GTPBP1: variants seen among roughly 807,000 people sequenced by gnomAD.
The protein encoded by GTPBP1 is GTP binding protein 1, also known as GTP-binding protein 1.
A neutral mutation model predicts 62.0 loss-of-function variants in GTPBP1; 23 were observed. That is an observed-to-expected ratio of 0.37 (90% confidence interval 0.27 to 0.53). The LOEUF (loss-of-function observed/expected upper bound fraction) is 0.53, where lower values mean the gene tolerates loss of function less well. Ranked by LOEUF, GTPBP1 falls within the 20% of genes least tolerant of loss-of-function variation. The probability of loss-of-function intolerance (pLI) is 0.89; values close to 1 mark genes in which losing one functional copy is unlikely to be tolerated. For synonymous variants in GTPBP1, 344 were observed against 364.4 expected, an observed-to-expected ratio of 0.94 and a Z score of 0.64; for missense variants, 640 against 917.3, an observed-to-expected ratio of 0.70 and a Z score of 3.90.
At chr22:38,707,028 G>T (rs1274160486) in intron 1 of GTPBP1, among the ~76,000 whole-genome samples, 1 of 152,220 alleles carries the variant, frequency 6.6e-6, no homozygotes, top group East Asian at 1.9e-4. Context: ...GAAAGGCTCT[G>T]TGACGTTGGG....
downstream of GTPBP1, chr22:38,734,226 G>A (rs908449673): frequency 1.4e-5 from 6 of 441,290 alleles, no homozygotes; most frequent in East Asian, 7.7e-5. Flanking sequence ...AGAACCACGC[G>A]AACCAGGTCT....
chr22:38,719,442 G>A (rs1365582208), intron 4 of GTPBP1, among the ~76,000 whole-genome samples: 1 of 152,038 alleles, frequency 6.6e-6, no homozygotes, highest in Non-Finnish European at 1.5e-5. Flanking sequence ...CAAGTACCTA[G>A]GACCACAGGC....
At chr22:38,736,333 A>G, downstream of GTPBP1, 2 of 1,614,034 alleles carry the variant, frequency 1.2e-6, no homozygotes, top group Non-Finnish European at 1.7e-6. Flanking sequence ...GGCCCCAGTT[A>G]GTCAGGATCC....
downstream of GTPBP1, chr22:38,742,467 T>G (rs748914609): frequency 3.1e-6 from 5 of 1,613,540 alleles, no homozygotes; most frequent in South Asian, 1.1e-5. Context: ...CCGCATGGCC[T>G]CCTTCTGCCA....
intron 10 of GTPBP1, 170 bp from the exon 11 acceptor site, chr22:38,729,291 CT>C: frequency 1.8e-6 from 1 of 544,804 alleles, no homozygotes; most frequent in Non-Finnish European, 3.2e-6. Flanking sequence ...GAGAATGCCT[CT>C]TCATCCCCAC....
At chr22:38,729,015 GTGCTGGGGCTGGAGCTGCAGCA>G (rs1240586185) in intron 10 of GTPBP1, 4 of 154,804 alleles carry the variant, frequency 2.6e-5, no homozygotes, top group Non-Finnish European at 5.7e-5. Flanking sequence ...CAGCAGCAGC[GTGCTGGGGCTGGAGCTGCAGCA>G]TGCTCTGAGG....
At chr22:38,735,124 A>G, downstream of GTPBP1, 1 of 405,136 alleles carries the variant, frequency 2.5e-6, no homozygotes, top group Non-Finnish European at 4.8e-6. Flanking sequence ...TACATAATAC[A>G]GTGGGGCCTG....
chr22:38,707,634 A>G (rs8138189), intron 1 of GTPBP1, among the ~76,000 whole-genome samples: 3,959 of 152,338 alleles, frequency 0.026, 68 homozygotes, highest in South Asian at 0.055. Context: ...ATGTCAACAC[A>G]TGGTCAAGGT....
chr22:38,722,772 G>A, intron 5 of GTPBP1: 3 of 1,603,352 alleles, frequency 1.9e-6, no homozygotes, highest in Non-Finnish European at 2.6e-6. Flanking sequence ...GTACTCTTTG[G>A]AAGCAGCTGG....
At chr22:38,725,825 A>G in intron 6 of GTPBP1, 181 bp from the exon 7 acceptor site, 2 of 629,460 alleles carry the variant, frequency 3.2e-6, no homozygotes, top group South Asian at 1.9e-5. Context: ...AGGGCTGGCC[A>G]GGAGCTTGCT....
At chr22:38,717,361 G>T (rs1366558345) in intron 4 of GTPBP1, among the ~76,000 whole-genome samples, 1 of 152,184 alleles carries the variant, frequency 6.6e-6, no homozygotes, top group Non-Finnish European at 1.5e-5. Context: ...GTGACACCAG[G>T]TAGGTAGTAC....
At chr22:38,736,209 C>T (rs538539297), downstream of GTPBP1, 196 of 1,492,072 alleles carry the variant, frequency 1.3e-4, no homozygotes, top group African/African-American at 5.5e-4. Flanking sequence ...GTGGGGGAAG[C>T]GGCGGGGTGC....
At chr22:38,720,721 G>A (rs2092695556) in intron 4 of GTPBP1, among the ~76,000 whole-genome samples, 4 of 152,176 alleles carry the variant, frequency 2.6e-5, no homozygotes. Context: ...ATTGTTACTG[G>A]AAGGATAGTA....
chr22:38,734,572 TC>T (rs1865774967), downstream of GTPBP1, among the ~76,000 whole-genome samples: 1 of 152,154 alleles, frequency 6.6e-6, no homozygotes, highest in Non-Finnish European at 1.5e-5. Context: ...TCAGGTCCCA[TC>T]CCCCACCACA....
chr22:38,740,695 A>G (rs2092849034), downstream of GTPBP1: 1 of 575,646 alleles, frequency 1.7e-6, no homozygotes, highest in Admixed American at 3.1e-5. The surrounding 1 kb of genome is among the most constrained non-coding windows in gnomAD (Gnocchi z 4.8). Context: ...CACATCCTCC[A>G]CAAGCATGGA....
Position 38,719,366 on chromosome 22 carries a change from G to C in GTPBP1, c.834+2366G>C, listed in dbSNP as rs149789715. ...TCTGTTACCCAGGCTAGAGTGCGGT[G>C]GTGCGACTGTAGTTCACTATAACCT... On this transcript the variant is annotated intron_variant, in intron 4 of 11. Coordinates refer to ENST00000216044, the MANE Select transcript of GTPBP1 (RefSeq NM_004286.5). Among the ~76,000 whole-genome samples, 599 of 152,110 alleles carry C rather than the reference G, an allele frequency of 3.9e-3. 5 individuals are homozygous for C. Among genetic ancestry groups the C allele is most frequent in the African/African-American group, 0.014 (568 of 41,488 alleles).
At position 38,726,828 on chromosome 22, in the gene GTPBP1, A is replaced by AG. The variant is rs1314921072; in HGVS notation, c.1402-381dup. Reference sequence around the variant, plus strand: ...TGGGGTTTGGGGTGGGTTGTAGTTCAGGGGTCACCTACCTTTACCCACCAA... The same window carrying AG: ...TGGGGTTTGGGGTGGGTTGTAGTTCAGGGGGTCACCTACCTTTACCCACCAA... On this transcript the variant is annotated intron_variant, in intron 8 of 11. Transcript: ENST00000216044. This position sits in a 1 kb window ranked among gnomAD's most constrained non-coding sequence, Gnocchi z 4.1. 6.6e-6 allele frequency among the ~76,000 whole-genome samples: 1 copy of AG among 152,148 alleles called. No homozygotes were observed.
chr22:38,708,818 T>C (rs2092621545), intron 1 of GTPBP1, 27 bp from the exon 2 acceptor site: 1 of 1,250,430 alleles, frequency 8.0e-7, no homozygotes. Flanking sequence ...GCAAGTGTGG[T>C]CCTAAGGCTG....
chr22:38,737,493 T>C (rs1019414050), downstream of GTPBP1, among the ~76,000 whole-genome samples: 1 of 152,118 alleles, frequency 6.6e-6, no homozygotes, highest in African/African-American at 2.4e-5. The surrounding 1 kb of genome is among the most constrained non-coding windows in gnomAD (Gnocchi z 4.1). Flanking sequence ...ATAGTGATGT[T>C]AGTCAAATGG....
Sources: allele counts gnomAD v4.1 joint callset (sites outside exome capture counted in the v4.1 genomes callset), GRCh38; gene constraint gnomAD v4.1.1; non-coding constraint Gnocchi (gnomAD v3.1); transcripts MANE v1.5; gene names NCBI Gene and HGNC (gene_info 2026-07-23, HGNC 2026-07-21).